Variants in LMX1A observed in about 807,000 individuals in gnomAD.
LMX1A encodes the protein LIM homeobox transcription factor 1-alpha.
Under a neutral mutation model 49.1 loss-of-function variants are expected in LMX1A, and 15 were observed. The observed-to-expected ratio is 0.31, with a 90% CI of 0.20 to 0.47. The LOEUF is 0.47. Ranked by LOEUF, LMX1A falls within the 20% of genes least tolerant of loss-of-function variation. LMX1A has a pLI of 1.00. For missense variants in LMX1A, 372 were observed against 475.8 expected, an observed-to-expected ratio of 0.78 and a Z score of 2.03; for synonymous variants, 167 against 185.7, an observed-to-expected ratio of 0.90 and a Z score of 0.82.
intron 3 of LMX1A, among the ~76,000 whole-genome samples, chr1:165,315,270 C>T (rs554563919): frequency 6.6e-6 from 1 of 152,302 alleles, no homozygotes; most frequent in South Asian, 2.1e-4. Flanking sequence ...GCCACTCCCT[C>T]CTTTGGGCTG....
rs929413996 is a variant in LMX1A, at chr1:165,231,151, T to C, written c.497-17338A>G. Reference sequence around the variant, plus strand: ...TGGTTCTCAATCTTTTGATGGGTCATGAGAAGCACTGTCTTAACAAAGCAA... The same window carrying C: ...TGGTTCTCAATCTTTTGATGGGTCACGAGAAGCACTGTCTTAACAAAGCAA... On this transcript the variant is annotated intron_variant, in intron 4 of 8. Transcript: ENST00000342310. 7.2e-5 allele frequency among the ~76,000 whole-genome samples: 11 copies of C among 152,210 alleles called. No individual in the cohort carries two copies. In the East Asian group the frequency reaches 1.5e-3, roughly 21 times the overall value.
intron 2 of LMX1A, among the ~76,000 whole-genome samples, chr1:165,354,129 T>G (rs1322807064): frequency 2.0e-5 from 3 of 152,184 alleles, no homozygotes; most frequent in African/African-American, 7.2e-5. Flanking sequence ...ATATTGGCAC[T>G]TTTCACAGCT....
At chr1:165,206,382 G>C (rs1334601611) in intron 7 of LMX1A, among the ~76,000 whole-genome samples, 2 of 152,126 alleles carry the variant, frequency 1.3e-5, no homozygotes, top group African/African-American at 2.4e-5. Context: ...GACCTCATTG[G>C]GTTGATGGGA....
In LMX1A at chr1:165,355,674, T is replaced by C. The variant is rs1182301080; in HGVS notation, c.-22-93A>G. The stretch of plus-strand genomic sequence containing the variant: ...CACTCCTGGGAAAGAACTGAGGGAG[T>C]GTCCAGGGCGACCAGAATCAGCCAG... On this transcript the variant is annotated intron_variant, in intron 1 of 8. Transcript: ENST00000342310. This position sits in a 1 kb window ranked among gnomAD's most constrained non-coding sequence, Gnocchi z 4.7. 2.2e-6 allele frequency: 2 copies of C among 910,592 alleles called. No homozygotes were observed. The highest frequency in any genetic ancestry group is 2.1e-5 in the Admixed American group (1 of 46,802). 56.4% of individuals were successfully genotyped at this position (910,592 alleles called of 1,614,324 possible).
chr1:165,267,401 A>G (rs1206723798), intron 3 of LMX1A, among the ~76,000 whole-genome samples: 1 of 152,198 alleles, frequency 6.6e-6, no homozygotes, highest in Non-Finnish European at 1.5e-5. Context: ...ATTGTATGAT[A>G]GACCACATTT....
intron 3 of LMX1A, among the ~76,000 whole-genome samples, chr1:165,274,335 T>C (rs1653900219): frequency 6.6e-6 from 1 of 152,184 alleles, no homozygotes; most frequent in South Asian, 2.1e-4. Context: ...TTGGTTTATA[T>C]TTGCCACCCT....
At chr1:165,214,755 T>C (rs559733167) in intron 4 of LMX1A, among the ~76,000 whole-genome samples, 1 of 152,316 alleles carries the variant, frequency 6.6e-6, no homozygotes, top group Admixed American at 6.5e-5. Context: ...AATGGACAGG[T>C]AACACTGATA....
At chr1:165,339,179 G>C (rs1290677397) in intron 3 of LMX1A, among the ~76,000 whole-genome samples, 1 of 152,194 alleles carries the variant, frequency 6.6e-6, no homozygotes, top group African/African-American at 2.4e-5. Context: ...TCTCCAGTCT[G>C]GGGAAGTAAA....
intron 3 of LMX1A, among the ~76,000 whole-genome samples, chr1:165,294,360 C>A (rs749066588): frequency 3.3e-5 from 5 of 152,124 alleles, no homozygotes; most frequent in African/African-American, 4.8e-5. Context: ...CCGGAACAGC[C>A]AGTAATAGGT....
chr1:165,298,413 T>C (rs764325820), intron 3 of LMX1A, among the ~76,000 whole-genome samples: 3 of 152,204 alleles, frequency 2.0e-5, no homozygotes, highest in Non-Finnish European at 1.5e-5. Flanking sequence ...TTCAGCACAA[T>C]TGGCCACATA....
At chr1:165,281,944 T>G (rs1654164056) in intron 3 of LMX1A, among the ~76,000 whole-genome samples, 1 of 152,140 alleles carries the variant, frequency 6.6e-6, no homozygotes, top group African/African-American at 2.4e-5. Context: ...CTCACTTAGA[T>G]CTCTTGTGAT....
intron 3 of LMX1A, among the ~76,000 whole-genome samples, chr1:165,337,701 G>A (rs1386561388): frequency 2.0e-5 from 3 of 152,114 alleles, no homozygotes; most frequent in Non-Finnish European, 4.4e-5. Flanking sequence ...GGTTATCGCC[G>A]TTATTTACCT....
intron 3 of LMX1A, among the ~76,000 whole-genome samples, chr1:165,308,542 C>T (rs574347003): frequency 6.6e-6 from 1 of 152,292 alleles, no homozygotes; most frequent in South Asian, 2.1e-4. Flanking sequence ...TTTTTTAAAA[C>T]AGTACTGAGC....
chr1:165,249,759 G>T, intron 3 of LMX1A, 119 bp from the exon 4 acceptor site: 1 of 695,336 alleles, frequency 1.4e-6, no homozygotes. Flanking sequence ...CGTTAGAATG[G>T]AATGTACTTT....
At position 165,355,627 on chromosome 1, in the gene LMX1A, G is replaced by C; in HGVS notation, c.-22-46C>G. The C allele has an allele frequency of 1.4e-6, 2 of 1,473,580 alleles. No homozygotes were observed. The highest frequency in any genetic ancestry group is 2.3e-5 in the East Asian group (1 of 42,810). 91.3% of individuals were successfully genotyped at this position (1,473,580 alleles called of 1,614,324 possible). A position where few individuals can be genotyped will look rare whatever the true frequency, so the allele number is the denominator to read the frequency against. ...TGCGTCTGACGTCCGTGCCCGCTGGGACTCGGCGCCAGCAGCCACCGCACT... is the reference window on the plus strand; with the variant it reads ...TGCGTCTGACGTCCGTGCCCGCTGGCACTCGGCGCCAGCAGCCACCGCACT... On this transcript the variant is annotated intron_variant, in intron 1 of 8. Coordinates refer to ENST00000342310, the MANE Select transcript of LMX1A (RefSeq NM_177398.4). This position sits in a 1 kb window ranked among gnomAD's most constrained non-coding sequence, Gnocchi z 4.7.
At chr1:165,213,513 G>C in intron 5 of LMX1A, 128 bp downstream of exon 5, 1 of 851,634 alleles carries the variant, frequency 1.2e-6, no homozygotes, top group Non-Finnish European at 1.9e-6. Flanking sequence ...TGAGCCGCCT[G>C]TGCAGGCTCT....
intron 3 of LMX1A, among the ~76,000 whole-genome samples, chr1:165,322,506 G>A (rs985483331): frequency 3.3e-5 from 5 of 152,272 alleles, no homozygotes; most frequent in Admixed American, 6.5e-5. Flanking sequence ...AAAAAGGAAC[G>A]TAGTACTGAT....
intron 3 of LMX1A, among the ~76,000 whole-genome samples, chr1:165,273,537 T>G (rs1187043380): frequency 6.6e-6 from 1 of 152,230 alleles, no homozygotes; most frequent in Non-Finnish European, 1.5e-5. Flanking sequence ...TCTGGGATCC[T>G]GTATATTGAC....
rs148398823 is a variant in LMX1A, at chr1:165,294,431, C to T, written c.264-44791G>A. Among the ~76,000 whole-genome samples, 447 of 152,284 alleles carry T rather than the reference C, an allele frequency of 2.9e-3. 13 individuals are homozygous for T. The South Asian group carries it at 0.061, about 21-fold the overall frequency. On this transcript the variant is annotated intron_variant, in intron 3 of 8. Transcript: ENST00000342310. The stretch of plus-strand genomic sequence containing the variant: ...CCATAGTTGGAAAGTTTGGCCAGGA[C>T]ACAGAGAAACAAGAACACTTAGCTC...
Sources: allele counts gnomAD v4.1 joint callset (sites outside exome capture counted in the v4.1 genomes callset), GRCh38; gene constraint gnomAD v4.1.1; non-coding constraint Gnocchi (gnomAD v3.1); transcripts MANE v1.5; gene names NCBI Gene and HGNC (gene_info 2026-07-23, HGNC 2026-07-21).